Variants in APC observed in about 807,000 individuals in gnomAD.
APC encodes the protein APC regulator of Wnt signaling pathway.
A neutral mutation model predicts 247.0 loss-of-function variants in APC; 72 were observed. The observed-to-expected ratio is 0.29, with a 90% CI of 0.24 to 0.35. APC has a LOEUF of 0.35. APC is among the 10% of genes least tolerant of loss of function. The pLI, the probability that APC is intolerant of heterozygous loss-of-function variation, is 1.00. For synonymous variants in APC, 1,254 were observed against 1,162.5 expected, an observed-to-expected ratio of 1.08 and a Z score of -1.60; for missense variants, 3,400 against 3,360.7, an observed-to-expected ratio of 1.01 and a Z score of -0.29.
At chr5:112,751,281 A>G (rs1754333665) in intron 1 of APC, among the ~76,000 whole-genome samples, 1 of 152,084 alleles carries the variant, frequency 6.6e-6, no homozygotes, top group Non-Finnish European at 1.5e-5. Context: ...TTAATTATAA[A>G]GGCTTTGTAC....
intron 8 of APC, among the ~76,000 whole-genome samples, chr5:112,804,870 T>G (rs1180737499): frequency 1.3e-5 from 2 of 152,090 alleles, no homozygotes; most frequent in Admixed American, 6.6e-5. Flanking sequence ...TAGTCCCAGC[T>G]ACTTGGGAGG....
chr5:112,774,876 A>G (rs750981973), intron 4 of APC, among the ~76,000 whole-genome samples: 55 of 152,320 alleles, frequency 3.6e-4, no homozygotes, highest in Non-Finnish European at 6.8e-4. Flanking sequence ...GTATGCACAT[A>G]TGTCCTTGTA....
chr5:112,818,658 A>G (rs928700543), intron 9 of APC, among the ~76,000 whole-genome samples: 1 of 152,172 alleles, frequency 6.6e-6, no homozygotes, highest in African/African-American at 2.4e-5. Context: ...ATTAGCACCA[A>G]CTTATCTAGG....
At chr5:112,751,722 A>G (rs1406959707) in intron 1 of APC, among the ~76,000 whole-genome samples, 3 of 151,904 alleles carry the variant, frequency 2.0e-5, no homozygotes, top group Non-Finnish European at 4.4e-5. Flanking sequence ...TTCCAGGTAT[A>G]TAATTGTGTT....
intron 8 of APC, among the ~76,000 whole-genome samples, chr5:112,808,531 T>G (rs552515751): frequency 6.6e-6 from 1 of 152,166 alleles, no homozygotes; most frequent in Non-Finnish European, 1.5e-5. Flanking sequence ...CACTGCAGCC[T>G]TGAACTCCTG....
chr5:112,792,922 G>C (rs543303403), intron 7 of APC, among the ~76,000 whole-genome samples: 196 of 152,224 alleles, frequency 1.3e-3, no homozygotes, highest in Non-Finnish European at 2.1e-3. Context: ...TACAATGAAA[G>C]AGGCATTAAG....
chr5:112,707,863 A>C lies in APC; in HGVS notation c.146A>C (p.His49Pro), dbSNP rs1191401517. ...CCGGGCGGCGCTCGTACTTCTGGCC[A>C]CTGGGCGAGCGTCTGGCAGGTGAGT... The change falls in exon 1 of 14, where the codon CAC becomes CCC. Residue 49 changes from histidine to proline, a missense_variant. His to Pro is a moderately conservative substitution (Grantham distance 77). Coordinates refer to the APC transcript ENST00000507379. 1 of 1,369,454 alleles carries C rather than the reference A, an allele frequency of 7.3e-7. No individual in the cohort carries two copies. The highest frequency in any genetic ancestry group is 9.6e-7 in the Non-Finnish European group (1 of 1,038,250). 84.8% of individuals were successfully genotyped at this position (1,369,454 alleles called of 1,614,324 possible).
chr5:112,709,141 C>T (rs1263015314), intron 1 of APC, among the ~76,000 whole-genome samples: 3 of 152,146 alleles, frequency 2.0e-5, no homozygotes, highest in South Asian at 2.1e-4. Flanking sequence ...ATATCGTTTT[C>T]TTGAAGTTAT....
At position 112,838,542 on chromosome 5, in the gene APC, T is replaced by C. The variant is rs113674464; in HGVS notation, c.2948T>C (p.Ile983Thr). The change falls in exon 16 of 16, where the codon ATT becomes ACT. Residue 983 changes from isoleucine (I) to threonine (T), a missense_variant. Physicochemically the swap from Ile to Thr is moderately conservative, Grantham distance 89 (BLOSUM62 -1). Coordinates refer to ENST00000257430, the MANE Select transcript of APC (RefSeq NM_000038.6). ...AAAAGAGGTCAAATGAAACCCTCGA[T>C]TGAATCCTATTCTGAAGATGATGAA... ...YGKRGQMKPSIESYSEDDESK... is the reference protein window; with the variant it reads ...YGKRGQMKPSTESYSEDDESK... The C allele has an allele frequency of 1.9e-5, 30 of 1,614,242 alleles. No homozygotes were observed. In the South Asian group the frequency reaches 2.1e-4, roughly 11 times the overall value.
rs143796828 is a variant in APC, at chr5:112,839,966, C to T, written c.4372C>T (p.Pro1458Ser). 6.6e-5 allele frequency: 107 copies of T among 1,613,962 alleles called. No individual in the cohort carries two copies. Among genetic ancestry groups the T allele is most frequent in the Admixed American group, 1.5e-4 (9 of 59,982 alleles). ...TKREVPKNKA[P>S]TAEKRESGPK... The stretch of plus-strand genomic sequence containing the variant: ...GCGAGAAGTACCTAAAAATAAAGCA[C>T]CTACTGCTGAAAAGAGAGAGAGTGG... The change falls in exon 16 of 16, where the codon CCT (proline) becomes TCT (serine). Residue 1458 changes from proline (P) to serine (S), a missense_variant. Around this residue, in one of 9 missense-constraint regions of APC, gnomAD observed 1,788 missense variants for 1,649.5 expected, o/e 1.08. Transcript: ENST00000257430. The surrounding 1 kb of genome is among the most constrained non-coding windows in gnomAD (Gnocchi z 5.0).
intron 10 of APC, among the ~76,000 whole-genome samples, chr5:112,821,058 G>T (rs1463575435): frequency 6.8e-6 from 1 of 146,066 alleles, no homozygotes; most frequent in Non-Finnish European, 1.5e-5. Flanking sequence ...TTTGAGAGAC[G>T]GGGTTTTGCC....
upstream of APC, among the ~76,000 whole-genome samples, chr5:112,734,476 A>G (rs1000404824): frequency 6.6e-6 from 1 of 152,212 alleles, no homozygotes; most frequent in African/African-American, 2.4e-5. Flanking sequence ...TAGTACCTGT[A>G]GAAGTTAAAT....
chr5:112,808,913 G>A (rs192178647), intron 8 of APC, among the ~76,000 whole-genome samples: 4 of 152,268 alleles, frequency 2.6e-5, no homozygotes, highest in East Asian at 1.9e-4. Flanking sequence ...AGAATTACTC[G>A]CAGGTTTCTG....
At chr5:112,832,755 T>A (rs1025833337) in intron 14 of APC, among the ~76,000 whole-genome samples, 19 of 152,356 alleles carry the variant, frequency 1.2e-4, no homozygotes, top group African/African-American at 4.1e-4. Flanking sequence ...GCTGTTCTCC[T>A]CCATGAAATA....
rs915689784 is a variant in APC, at chr5:112,844,436, A to G, written c.*310A>G. 5.9e-6 allele frequency: 2 copies of G among 339,904 alleles called. No homozygotes were observed. The highest frequency in any genetic ancestry group is 4.5e-5 in the Admixed American group (1 of 22,306). The allele number at this position is 339,904 out of a possible 1,614,324, so 21.1% of individuals were successfully genotyped here. A position where few individuals can be genotyped will look rare whatever the true frequency, so the allele number is the denominator to read the frequency against. On this transcript the variant is annotated 3_prime_UTR_variant, in exon 16 of 16. Coordinates refer to ENST00000257430, the MANE Select transcript of APC (RefSeq NM_000038.6). ...ATTATTGCTTGTCTTAAAATAATGA[A>G]CACTACAGATAGAAAATATGATATA...
chr5:112,825,287 T>G (rs940333032), intron 11 of APC, among the ~76,000 whole-genome samples: 2 of 152,230 alleles, frequency 1.3e-5, no homozygotes, highest in Non-Finnish European at 2.9e-5. Context: ...ATACTTTGTC[T>G]TACTTCTCTT....
Position 112,754,975 on chromosome 5 carries a change from G to T in APC, c.85G>T (p.Asp29Tyr), listed in dbSNP as rs1195191600. 6.2e-7 allele frequency: 1 copy of T among 1,613,820 alleles called. No individual in the cohort carries two copies. Among genetic ancestry groups the T allele is most frequent in the Non-Finnish European group, 8.5e-7 (1 of 1,179,812 alleles). ...CTCAAATCTTCGACAAGAGCTAGAA[G>T]ATAATTCCAATCATCTTACAAAACT... The part of the protein sequence containing the change: ...ENSNLRQELE[D>Y]NSNHLTKLET... Residue 29 changes from aspartate (D) to tyrosine (Y), a missense_variant, in exon 2 of 16, where the codon GAT becomes TAT. This residue lies in a region of APC where 372 missense variants were observed against 367.6 expected (regional missense o/e 1.01). Coordinates refer to ENST00000257430, the MANE Select transcript of APC (RefSeq NM_000038.6).
intron 5 of APC, among the ~76,000 whole-genome samples, 200 bp downstream of exon 5, chr5:112,775,937 A>T (rs1757598146): frequency 6.6e-6 from 1 of 152,160 alleles, no homozygotes; most frequent in Admixed American, 6.5e-5. Flanking sequence ...ATTGTGCTCA[A>T]ATGTTTTATT....
At chr5:112,747,411 GGTTT>G (rs1753812052) in intron 1 of APC, among the ~76,000 whole-genome samples, 2 of 152,080 alleles carry the variant, frequency 1.3e-5, no homozygotes, top group African/African-American at 2.4e-5. Context: ...GAAAAGAAAT[GGTTT>G]GTTTAATAGT....
Sources: allele counts gnomAD v4.1 joint callset (sites outside exome capture counted in the v4.1 genomes callset), GRCh38; gene constraint gnomAD v4.1.1; regional missense constraint gnomAD v4.1.1; non-coding constraint Gnocchi (gnomAD v3.1); transcripts MANE v1.5; gene names NCBI Gene and HGNC (gene_info 2026-07-23, HGNC 2026-07-21).